Variants in METTL8 observed in about 807,000 individuals in gnomAD.
METTL8 encodes methyltransferase 8, tRNA N3-cytidine, also known as tRNA N(3)-cytidine methyltransferase METTL8, mitochondrial.
METTL8 carries 32 observed loss-of-function variants against 48.7 expected under a neutral mutation model. The observed-to-expected ratio is 0.66, with a 90% CI of 0.50 to 0.88. METTL8 has a LOEUF of 0.88. Ranked by LOEUF, METTL8 falls within the 40% of genes least tolerant of loss-of-function variation. The pLI, the probability that METTL8 is intolerant of heterozygous loss-of-function variation, is 0.00. For synonymous variants in METTL8, 136 were observed against 157.1 expected (o/e 0.87, Z 1.01); for missense variants, 464 against 474.4 (o/e 0.98, Z 0.20).
intron 1 of METTL8, among the ~76,000 whole-genome samples, chr2:171,398,879 T>C (rs772101030): frequency 1.6e-4 from 25 of 152,158 alleles, no homozygotes; most frequent in African/African-American, 2.9e-4. Flanking sequence ...ATAAAGAGTT[T>C]CATTTAGGGA....
At chr2:171,370,119 G>A (rs1333247326) in intron 2 of METTL8, among the ~76,000 whole-genome samples, 2 of 151,052 alleles carry the variant, frequency 1.3e-5, no homozygotes, top group East Asian at 3.9e-4. Context: ...AAAAGGAACA[G>A]GGGAAAAAAA....
chr2:171,428,742 T>C (rs1489422993), intron 1 of METTL8, among the ~76,000 whole-genome samples: 1 of 151,978 alleles, frequency 6.6e-6, no homozygotes, highest in African/African-American at 2.4e-5. Context: ...CTAACCAAGC[T>C]GGAGGAGTTA....
At chr2:171,348,758 C>T (rs1423215989) in intron 3 of METTL8, among the ~76,000 whole-genome samples, 1 of 151,452 alleles carries the variant, frequency 6.6e-6, no homozygotes, top group Non-Finnish European at 1.5e-5. Flanking sequence ...TTGAACTATG[C>T]GAGAATTCAT....
chr2:171,423,694 G>C (rs928660431), intron 1 of METTL8, among the ~76,000 whole-genome samples: 1 of 152,186 alleles, frequency 6.6e-6, no homozygotes, highest in Non-Finnish European at 1.5e-5. Context: ...AGGGTATCTA[G>C]AGAAAGAAAT....
At chr2:171,387,212 C>T (rs139240665) in intron 2 of METTL8, among the ~76,000 whole-genome samples, 4 of 152,276 alleles carry the variant, frequency 2.6e-5, no homozygotes, top group East Asian at 3.9e-4. Context: ...CCCTGTAACA[C>T]GCGCTCACTG....
At chr2:171,421,389 T>C (rs1446035934) in intron 1 of METTL8, among the ~76,000 whole-genome samples, 1 of 152,026 alleles carries the variant, frequency 6.6e-6, no homozygotes, top group African/African-American at 2.4e-5. Flanking sequence ...TAATGCACGA[T>C]GATCACACAT....
intron 5 of METTL8, among the ~76,000 whole-genome samples, chr2:171,335,028 T>A (rs1160113231): frequency 6.6e-6 from 1 of 152,220 alleles, no homozygotes; most frequent in Non-Finnish European, 1.5e-5. Flanking sequence ...ACTGCCAATG[T>A]AGTGTATTTA....
intron 1 of METTL8, among the ~76,000 whole-genome samples, chr2:171,420,453 T>A (rs757425164): frequency 3.3e-5 from 5 of 152,200 alleles, no homozygotes; most frequent in Non-Finnish European, 7.3e-5. Flanking sequence ...AAACTAAAAG[T>A]ATAATAAAGT....
intron 1 of METTL8, among the ~76,000 whole-genome samples, chr2:171,411,764 CTT>C (rs1690777994): frequency 6.6e-6 from 1 of 152,066 alleles, no homozygotes; most frequent in Non-Finnish European, 1.5e-5. Context: ...AAAAAAGACT[CTT>C]AAACATGATA....
At chr2:171,357,124 A>T (rs1684669428) in intron 3 of METTL8, among the ~76,000 whole-genome samples, 1 of 151,342 alleles carries the variant, frequency 6.6e-6, no homozygotes, top group Non-Finnish European at 1.5e-5. Flanking sequence ...TTCCCAGCTA[A>T]TTTTTTGTAT....
In METTL8 at chr2:171,353,521, G is replaced by A. The variant is rs140665971; in HGVS notation, c.235+6901C>T. On this transcript the variant is annotated intron_variant, in intron 3 of 9. Coordinates refer to ENST00000375258, the MANE Select transcript of METTL8 (RefSeq NM_001321154.2). ...GAGCTGAGTTCAATTTCTGGATATC[G>A]TTGTTAACTTTCTGTCTCATTGATC... Among the ~76,000 whole-genome samples, 1,242 of 152,202 alleles carry A rather than the reference G, an allele frequency of 8.2e-3. 17 individuals are homozygous for A. The highest frequency in any genetic ancestry group is 0.027 in the African/African-American group (1,118 of 41,542).
intron 2 of METTL8, among the ~76,000 whole-genome samples, chr2:171,390,046 T>C (rs897974400): frequency 6.6e-6 from 1 of 152,240 alleles, no homozygotes; most frequent in African/African-American, 2.4e-5. Context: ...TTGGTGACTT[T>C]AAGTTGAAGC....
intron 2 of METTL8, among the ~76,000 whole-genome samples, chr2:171,383,803 T>C (rs1209228393): frequency 6.6e-6 from 1 of 152,230 alleles, no homozygotes; most frequent in African/African-American, 2.4e-5. Context: ...CCAAAATTGA[T>C]AAATGTACTA....
intron 2 of METTL8, among the ~76,000 whole-genome samples, chr2:171,377,077 C>T (rs1017840460): frequency 3.9e-5 from 6 of 152,002 alleles, no homozygotes; most frequent in African/African-American, 1.4e-4. Flanking sequence ...ACAAAACATA[C>T]AAAAACATGA....
chr2:171,393,168 C>T (rs1254433382), intron 1 of METTL8, among the ~76,000 whole-genome samples: 1 of 151,956 alleles, frequency 6.6e-6, no homozygotes, highest in Non-Finnish European at 1.5e-5. Context: ...TGCCTATAAT[C>T]CCAACATTTT....
At chr2:171,407,858 G>A (rs1010459895) in intron 1 of METTL8, among the ~76,000 whole-genome samples, 1 of 152,212 alleles carries the variant, frequency 6.6e-6, no homozygotes, top group African/African-American at 2.4e-5. Flanking sequence ...TGATGCATCT[G>A]AGTATACAGC....
At chr2:171,324,482 T>G in intron 9 of METTL8, 120 bp from the exon 10 acceptor site, 3 of 911,204 alleles carry the variant, frequency 3.3e-6, no homozygotes, top group Non-Finnish European at 4.8e-6. Context: ...AAACACTCTC[T>G]AGAACAATTT....
At chr2:171,404,095 ATATATG>A (rs1362307866) in intron 1 of METTL8, among the ~76,000 whole-genome samples, 2 of 119,962 alleles carry the variant, frequency 1.7e-5, no homozygotes, top group Admixed American at 1.7e-4. Context: ...ATATATATAT[ATATATG>A]ATAGTTTAAC....
intron 3 of METTL8, among the ~76,000 whole-genome samples, chr2:171,355,049 T>G (rs973948692): frequency 7.2e-5 from 11 of 152,224 alleles, no homozygotes; most frequent in African/African-American, 2.4e-4. Flanking sequence ...GGCGCTCTGA[T>G]TTTTAGGATT....
Sources: gnomAD v4.1 joint callset for allele counts (sites outside exome capture counted in the v4.1 genomes callset) on GRCh38, gnomAD v4.1.1 for gene constraint, MANE v1.5 for transcripts, NCBI Gene and HGNC (gene_info 2026-07-23, HGNC 2026-07-21) for gene names.